The following GFRA2 variants were observed in gnomAD, a reference collection of about 807,000 sequenced individuals.
GFRA2 encodes GDNF family receptor alpha 2.
In GFRA2, 17 loss-of-function variants were observed where a neutral mutation model predicts 48.3. That is an observed-to-expected ratio of 0.35 (90% CI 0.24 to 0.53). GFRA2 has a LOEUF of 0.53. Ranked by LOEUF, GFRA2 falls within the 20% of genes least tolerant of loss-of-function variation. The pLI is 0.93. For synonymous variants in GFRA2, 305 were observed against 257.2 expected (o/e 1.19, Z -1.78); for missense variants, 660 against 637.3 (o/e 1.04, Z -0.38).
intron 3 of GFRA2, among the ~76,000 whole-genome samples, chr8:21,769,642 T>C (rs909890260): frequency 1.3e-5 from 2 of 151,008 alleles, no homozygotes; most frequent in Non-Finnish European, 3.0e-5. Context: ...TCGGGGGCCA[T>C]GTATTAGATA....
intron 2 of GFRA2, among the ~76,000 whole-genome samples, chr8:21,798,747 AC>A (rs1223541311): frequency 1.3e-5 from 2 of 151,994 alleles, no homozygotes; most frequent in Non-Finnish European, 2.9e-5. Context: ...CAGGATGAGT[AC>A]CCCCTGCCCA....
chr8:21,704,313 C>G (rs551305887), intron 6 of GFRA2, among the ~76,000 whole-genome samples: 3 of 152,212 alleles, frequency 2.0e-5, no homozygotes, highest in Non-Finnish European at 4.4e-5. Context: ...TCCTCAAGAA[C>G]CCTGTGCAGA....
At chr8:21,753,364 T>C (rs1214736240) in intron 3 of GFRA2, among the ~76,000 whole-genome samples, 3 of 152,180 alleles carry the variant, frequency 2.0e-5, no homozygotes, top group East Asian at 1.9e-4. Context: ...TCCCAGCACT[T>C]TGGGAGGCCG....
At chr8:21,701,554 C>A (rs921184545) in intron 7 of GFRA2, among the ~76,000 whole-genome samples, 21 of 152,192 alleles carry the variant, frequency 1.4e-4, no homozygotes, top group African/African-American at 4.8e-4. Context: ...TCTCAGCTGT[C>A]CTGCCCAGAC....
intron 3 of GFRA2, 116 bp downstream of exon 3, chr8:21,774,856 G>C: frequency 1.5e-6 from 1 of 672,966 alleles, no homozygotes; most frequent in Non-Finnish European, 2.8e-6. Flanking sequence ...GGGACGAGCT[G>C]ATGGGCAGCA....
At chr8:21,763,587 T>C (rs898714274) in intron 3 of GFRA2, among the ~76,000 whole-genome samples, 1 of 152,126 alleles carries the variant, frequency 6.6e-6, no homozygotes, top group African/African-American at 2.4e-5. Context: ...CGTAGTCATA[T>C]CCTTGACCTT....
At chr8:21,783,809 CA>C (rs1807133509) in intron 1 of GFRA2, among the ~76,000 whole-genome samples, 1 of 152,026 alleles carries the variant, frequency 6.6e-6, no homozygotes, top group Non-Finnish European at 1.5e-5. Context: ...GCTCTGCTTG[CA>C]CCTGGCTATA....
chr8:21,802,732 T>A (rs1299271466), intron 2 of GFRA2, among the ~76,000 whole-genome samples: 1 of 152,058 alleles, frequency 6.6e-6, no homozygotes, highest in Non-Finnish European at 1.5e-5. Context: ...AAAAGTGCAA[T>A]AATGTTTGGA....
rs1403705514 is a variant in GFRA2 at position 21,752,619 on chromosome 8, G to C, written c.440-1677C>G. Among the ~76,000 whole-genome samples, 5 of 151,900 alleles carry C rather than the reference G, an allele frequency of 3.3e-5. No homozygotes were observed. In the East Asian group the frequency reaches 9.7e-4, roughly 29 times the overall value. On this transcript the variant is annotated intron_variant, in intron 3 of 8. Coordinates refer to ENST00000524240, the MANE Select transcript of GFRA2 (RefSeq NM_001495.5). ...CCCCCAGATTTATACCCCCGGACGA[G>C]ACCTCTGCCCTGAGCCCCAGACTTA... is the stretch of plus-strand genomic sequence containing the variant.
intron 2 of GFRA2, among the ~76,000 whole-genome samples, chr8:21,782,155 C>G (rs1807023448): frequency 6.6e-6 from 1 of 152,026 alleles, no homozygotes; most frequent in African/African-American, 2.4e-5. Flanking sequence ...CCCAGCCTGC[C>G]CCTTCTCTCT....
At chr8:21,720,123 A>G (rs1803524173) in intron 4 of GFRA2, among the ~76,000 whole-genome samples, 1 of 147,008 alleles carries the variant, frequency 6.8e-6, no homozygotes. Context: ...ATATTGTTAC[A>G]AAGATTCAGA....
chr8:21,724,807 A>G (rs1230538388), intron 4 of GFRA2, among the ~76,000 whole-genome samples: 1 of 152,098 alleles, frequency 6.6e-6, no homozygotes, highest in Non-Finnish European at 1.5e-5. Context: ...CCAAAGGCCC[A>G]CCCCTAGGCT....
chr8:21,732,907 G>A (rs927690093), intron 4 of GFRA2, among the ~76,000 whole-genome samples: 1 of 152,154 alleles, frequency 6.6e-6, no homozygotes, highest in Non-Finnish European at 1.5e-5. Context: ...GACCCCAGAG[G>A]CAGGAAAGCC....
intron 7 of GFRA2, among the ~76,000 whole-genome samples, chr8:21,698,359 C>G (rs1802312606): frequency 6.6e-6 from 1 of 152,206 alleles, no homozygotes; most frequent in Non-Finnish European, 1.5e-5. Context: ...AGGCATGCTT[C>G]ATCCTTCCAT....
intron 2 of GFRA2, among the ~76,000 whole-genome samples, chr8:21,782,280 C>T (rs1269186285): frequency 2.7e-5 from 4 of 148,862 alleles, no homozygotes; most frequent in Non-Finnish European, 4.5e-5. Flanking sequence ...CCCCTGCTCA[C>T]CTCCCCCACC....
intron 3 of GFRA2, among the ~76,000 whole-genome samples, chr8:21,756,532 T>A (rs568780746): frequency 6.6e-6 from 1 of 152,208 alleles, no homozygotes; most frequent in South Asian, 2.1e-4. Flanking sequence ...GCCACTGCCA[T>A]CTGCAGCAGA....
chr8:21,799,883 T>A (rs1807741927), intron 2 of GFRA2, among the ~76,000 whole-genome samples: 2 of 152,062 alleles, frequency 1.3e-5, no homozygotes, highest in Non-Finnish European at 2.9e-5. Context: ...GGGTGGGAGA[T>A]CAAGAGCTGG....
intron 2 of GFRA2, among the ~76,000 whole-genome samples, chr8:21,796,832 C>G (rs1807685389): frequency 6.6e-6 from 1 of 152,208 alleles, no homozygotes; most frequent in Non-Finnish European, 1.5e-5. Flanking sequence ...TAGTCATCAC[C>G]TGCTGTAGGT....
chr8:21,699,978 C>T (rs1802390586), intron 7 of GFRA2, among the ~76,000 whole-genome samples: 1 of 152,198 alleles, frequency 6.6e-6, no homozygotes, highest in Admixed American at 6.5e-5. Context: ...GGGCCATGAA[C>T]ACGCAAAGCA....
Sources: gnomAD v4.1 joint callset for allele counts (sites outside exome capture counted in the v4.1 genomes callset) on GRCh38, gnomAD v4.1.1 for gene constraint, MANE v1.5 for transcripts, NCBI Gene and HGNC (gene_info 2026-07-23, HGNC 2026-07-21) for gene names.